The following RANBP2 variants were observed in gnomAD, a reference collection of about 807,000 sequenced individuals.
The protein encoded by RANBP2 is E3 SUMO-protein ligase RanBP2.
In RANBP2, 57 loss-of-function variants were observed where a neutral mutation model predicts 303.6. The observed-to-expected ratio is 0.19, with a 90% CI of 0.15 to 0.23. The LOEUF is 0.23. Ranked by LOEUF, RANBP2 falls within the 10% of genes least tolerant of loss-of-function variation. The probability of loss-of-function intolerance (pLI) is 1.00; values close to 1 mark genes in which losing one functional copy is unlikely to be tolerated. For missense variants in RANBP2, 3,138 were observed against 3,780.8 expected (o/e 0.83, Z 4.46); for synonymous variants, 1,167 against 1,301.5 (o/e 0.90, Z 2.23).
chr2:109,275,812 G>A, the RANBP2 span, among the ~76,000 whole-genome samples: 3 of 152,226 alleles, frequency 2.0e-5, no homozygotes, highest in Non-Finnish European at 4.4e-5. Context: ...GGGATCTGAA[G>A]CGTTCGCGGG....
At chr2:109,219,145 C>A in the RANBP2 span, among the ~76,000 whole-genome samples, 8 of 152,328 alleles carry the variant, frequency 5.3e-5, no homozygotes, top group East Asian at 1.2e-3. Context: ...CTCGCTCACA[C>A]CCCATTCACA....
At chr2:108,873,313 C>T in the RANBP2 span, 75 of 746,748 alleles carry the variant, frequency 1.0e-4, 1 homozygote, top group African/African-American at 1.3e-3. Flanking sequence ...GATATTTTCA[C>T]TCAAAAATTT....
At chr2:108,790,978 T>C in the RANBP2 span, among the ~76,000 whole-genome samples, 1 of 151,958 alleles carries the variant, frequency 6.6e-6, no homozygotes, top group African/African-American at 2.4e-5. Flanking sequence ...TCCAGGCTGA[T>C]CTTGAACTCC....
chr2:109,613,177 C>A, the RANBP2 span: 39 of 1,288,558 alleles, frequency 3.0e-5, no homozygotes, highest in South Asian at 4.8e-4. Context: ...GTTGTAACCA[C>A]ACTTGGAAAA....
chr2:109,221,373 A>G, the RANBP2 span, among the ~76,000 whole-genome samples: 1 of 152,180 alleles, frequency 6.6e-6, no homozygotes, highest in Non-Finnish European at 1.5e-5. Context: ...ACTTGAGCTC[A>G]GGCGTTTGAG....
chr2:108,797,640 A>G, the RANBP2 span, among the ~76,000 whole-genome samples: 2 of 152,176 alleles, frequency 1.3e-5, no homozygotes, highest in Non-Finnish European at 2.9e-5. Flanking sequence ...GGCTTAAGGC[A>G]ATATGATCCT....
the RANBP2 span, among the ~76,000 whole-genome samples, chr2:109,036,235 C>CA: frequency 6.6e-6 from 1 of 152,026 alleles, no homozygotes; most frequent in African/African-American, 2.4e-5. Context: ...AAACGGCTCA[C>CA]AAAAAAGAAA....
At chr2:109,228,516 AGTTCT>A in the RANBP2 span, among the ~76,000 whole-genome samples, 2 of 152,200 alleles carry the variant, frequency 1.3e-5, no homozygotes, top group African/African-American at 4.8e-5. Flanking sequence ...TATTCAGTTC[AGTTCT>A]GACCCCTTCC....
chr2:109,620,294 A>G, the RANBP2 span, among the ~76,000 whole-genome samples: 1 of 152,246 alleles, frequency 6.6e-6, no homozygotes, highest in Non-Finnish European at 1.5e-5. Flanking sequence ...CTATCAGTTC[A>G]TCTGCAGCTC....
the RANBP2 span, among the ~76,000 whole-genome samples, chr2:109,192,502 C>T: frequency 6.6e-6 from 1 of 152,148 alleles, no homozygotes; most frequent in Non-Finnish European, 1.5e-5. Flanking sequence ...TGTGTTGGAT[C>T]AGAGTAAGCC....
the RANBP2 span, among the ~76,000 whole-genome samples, chr2:109,562,489 T>C: frequency 6.6e-6 from 1 of 151,792 alleles, no homozygotes; most frequent in Non-Finnish European, 1.5e-5. Flanking sequence ...ATGACTAGCA[T>C]TTGGCTGAGC....
chr2:109,644,130 A>C, the RANBP2 span, among the ~76,000 whole-genome samples: 5 of 51,288 alleles, frequency 9.7e-5, no homozygotes, highest in South Asian at 6.2e-4. Context: ...CAAAAAAAAA[A>C]ACAAAAAAAC....
chr2:109,693,469 G>A, the RANBP2 span, among the ~76,000 whole-genome samples: 1 of 152,126 alleles, frequency 6.6e-6, no homozygotes, highest in Non-Finnish European at 1.5e-5. Context: ...CACAACTCCT[G>A]GTGGCAGATA....
At chr2:109,652,961 A>G in the RANBP2 span, among the ~76,000 whole-genome samples, 521 of 152,274 alleles carry the variant, frequency 3.4e-3, 4 homozygotes, top group African/African-American at 0.012. Flanking sequence ...CAGTGCCCCT[A>G]TGAGCTAGCA....
chr2:109,051,722 C>T, the RANBP2 span, among the ~76,000 whole-genome samples: 2 of 151,156 alleles, frequency 1.3e-5, no homozygotes, highest in African/African-American at 4.9e-5. Flanking sequence ...GTTATAATTG[C>T]TTAAGAAAAT....
At chr2:108,999,092 T>C in the RANBP2 span, among the ~76,000 whole-genome samples, 1 of 152,240 alleles carries the variant, frequency 6.6e-6, no homozygotes, top group African/African-American at 2.4e-5. Context: ...ATTCTTATTA[T>C]TGTAAGTATG....
the RANBP2 span, among the ~76,000 whole-genome samples, chr2:109,279,033 T>C: frequency 5.3e-5 from 8 of 152,222 alleles, no homozygotes; most frequent in Non-Finnish European, 1.2e-4. Context: ...AAGTTATCTT[T>C]CTTCCAGGGT....
the RANBP2 span, among the ~76,000 whole-genome samples, chr2:108,972,628 A>T: frequency 6.6e-6 from 1 of 152,270 alleles, no homozygotes; most frequent in Non-Finnish European, 1.5e-5. Flanking sequence ...CACAAGGGTG[A>T]CGGGTGTCTT....
At chr2:109,627,946 A>G in the RANBP2 span, among the ~76,000 whole-genome samples, 2 of 152,206 alleles carry the variant, frequency 1.3e-5, no homozygotes, top group Admixed American at 1.3e-4. Context: ...GAACATTCCA[A>G]TGAAAGATTT....
Sources: gnomAD v4.1 joint callset for allele counts (sites outside exome capture counted in the v4.1 genomes callset) on GRCh38, gnomAD v4.1.1 for gene constraint, MANE v1.5 for transcripts, NCBI Gene and HGNC (gene_info 2026-07-23, HGNC 2026-07-21) for gene names.